The following KDM4B variants were observed in gnomAD, a reference collection of about 807,000 sequenced individuals.
KDM4B encodes the protein lysine demethylase 4B.
In KDM4B, 32 loss-of-function variants were observed where a neutral mutation model predicts 125.2. The observed-to-expected ratio is 0.26, with a 90% CI of 0.19 to 0.34. The LOEUF is 0.34. Among genes scored for constraint, KDM4B ranks in the 10% least tolerant of loss-of-function variants. The pLI is 1.00. For synonymous variants in KDM4B, 721 were observed against 677.9 expected (o/e 1.06, Z -0.99); for missense variants, 1,190 against 1,577.7 (o/e 0.75, Z 4.16).
intron 11 of KDM4B, among the ~76,000 whole-genome samples, chr19:5,122,020 G>A (rs972051162): frequency 2.6e-5 from 4 of 152,278 alleles, no homozygotes; most frequent in African/African-American, 4.8e-5. Flanking sequence ...GTGCCCTGGG[G>A]CCGCTGAAAT....
At chr19:5,092,848 A>G (rs1324493481) in intron 9 of KDM4B, among the ~76,000 whole-genome samples, 2 of 152,148 alleles carry the variant, frequency 1.3e-5, no homozygotes, top group African/African-American at 2.4e-5. Context: ...GCTGTTCCTC[A>G]GCCGTCGTGG....
At chr19:4,994,216 G>A (rs1303132658) in intron 1 of KDM4B, among the ~76,000 whole-genome samples, 2 of 151,030 alleles carry the variant, frequency 1.3e-5, no homozygotes, top group East Asian at 4.0e-4. Flanking sequence ...GAAGTGTTGG[G>A]ATTACAGGTG....
intron 10 of KDM4B, among the ~76,000 whole-genome samples, chr19:5,116,191 CA>C (rs1022766602): frequency 1.5e-5 from 2 of 130,836 alleles, no homozygotes; most frequent in Non-Finnish European, 3.1e-5. Context: ...ACTTGAGGCC[CA>C]GAGTTCGAGG....
rs558064633 is a variant in KDM4B at position 5,041,715 on chromosome 19, T to C, written c.432+464T>C. On this transcript the variant is annotated intron_variant, in intron 5 of 22. Coordinates refer to ENST00000159111, the MANE Select transcript of KDM4B (RefSeq NM_015015.3). ...AGCCTGGTCTGCTGGAGCGTCCTCT[T>C]GTCCACACAGCCTGGGCTCTCCATG... is the stretch of plus-strand genomic sequence containing the variant. 7.2e-5 allele frequency among the ~76,000 whole-genome samples: 11 copies of C among 152,338 alleles called. No homozygotes were observed. In the South Asian group the frequency reaches 2.3e-3, roughly 32 times the overall value.
intron 10 of KDM4B, chr19:5,112,620 A>T (rs557044350): frequency 6.6e-6 from 1 of 152,300 alleles, no homozygotes; most frequent in Admixed American, 6.5e-5. Context: ...CTTCTTTTTC[A>T]ACACGTCCAT....
At chr19:5,044,366 C>T (rs2036954853) in intron 5 of KDM4B, among the ~76,000 whole-genome samples, 1 of 109,806 alleles carries the variant, frequency 9.1e-6, no homozygotes, top group African/African-American at 3.7e-5. Flanking sequence ...AGTGGGGTGT[C>T]CACCTTATCC....
chr19:5,025,671 T>C (rs1411599817), intron 2 of KDM4B, among the ~76,000 whole-genome samples: 1 of 152,174 alleles, frequency 6.6e-6, no homozygotes, highest in Non-Finnish European at 1.5e-5. Flanking sequence ...CTCCCTGCCA[T>C]CCGGCCTCTG....
intron 7 of KDM4B, chr19:5,075,899 G>T: frequency 6.5e-6 from 1 of 153,958 alleles, no homozygotes; most frequent in South Asian, 1.9e-4. Flanking sequence ...GACACCCGCT[G>T]TGCTGTGTGG....
At chr19:5,018,889 G>A (rs1305894260) in intron 2 of KDM4B, among the ~76,000 whole-genome samples, 1 of 152,242 alleles carries the variant, frequency 6.6e-6, no homozygotes, top group Non-Finnish European at 1.5e-5. Context: ...GCCTGCGTCA[G>A]AGCCTTGCTC....
chr19:5,061,802 G>A (rs960234463), intron 6 of KDM4B, among the ~76,000 whole-genome samples: 5 of 151,170 alleles, frequency 3.3e-5, no homozygotes, highest in African/African-American at 1.2e-4. Context: ...CTGGGAATTT[G>A]AGGCTGCAGC....
chr19:5,106,644 C>T (rs568017339), intron 9 of KDM4B, among the ~76,000 whole-genome samples: 9 of 152,358 alleles, frequency 5.9e-5, no homozygotes, highest in Non-Finnish European at 1.2e-4. Flanking sequence ...TCTGCTGATT[C>T]GCTGGCAAGC....
intron 13 of KDM4B, among the ~76,000 whole-genome samples, chr19:5,132,711 G>A (rs1445728966): frequency 1.4e-5 from 2 of 145,236 alleles, no homozygotes; most frequent in Non-Finnish European, 3.0e-5. Context: ...TGGGGCCTCC[G>A]TGGACTCCCC....
chr19:5,002,972 T>G (rs751495839), intron 1 of KDM4B, among the ~76,000 whole-genome samples: 4 of 152,058 alleles, frequency 2.6e-5, no homozygotes, highest in Non-Finnish European at 5.9e-5. Context: ...CATTTCTGAG[T>G]CTTTACTTTC....
rs1316905866 is a variant in KDM4B at position 5,001,664 on chromosome 19, C to T, written c.-108-14593C>T. On this transcript the variant is annotated intron_variant, in intron 1 of 22. Coordinates refer to ENST00000159111, the MANE Select transcript of KDM4B (RefSeq NM_015015.3). Reference sequence around the variant, plus strand: ...TTTGTTAGCTTTTATGCTAAACACCCATGTAAGTCCTGTTCCGCCAGCTGT... The same window carrying T: ...TTTGTTAGCTTTTATGCTAAACACCTATGTAAGTCCTGTTCCGCCAGCTGT... Among the ~76,000 whole-genome samples, 1,163 of 152,308 alleles carry T rather than the reference C, an allele frequency of 7.6e-3. 12 individuals are homozygous for T. Among genetic ancestry groups the T allele is most frequent in the African/African-American group, 0.027 (1,118 of 41,558 alleles).
intron 1 of KDM4B, among the ~76,000 whole-genome samples, chr19:5,011,128 C>T (rs1245455170): frequency 6.6e-6 from 1 of 152,214 alleles, no homozygotes; most frequent in Non-Finnish European, 1.5e-5. Flanking sequence ...TTCCCTTCCT[C>T]TCAGGTCCTG....
Position 5,131,108 on chromosome 19 carries a change from G to A in KDM4B, c.1348G>A (p.Ala450Thr), listed in dbSNP as rs1026572358. The A allele has an allele frequency of 4.6e-6, 7 of 1,523,648 alleles. No homozygotes were observed. The highest frequency in any genetic ancestry group is 6.2e-6 in the Non-Finnish European group (7 of 1,135,080). The allele number at this position is 1,523,648 out of a possible 1,614,324, so 94.4% of individuals were successfully genotyped here. ...GAGGGGCAAGCTGCGGCCAACCAAG[G>A]CCAAGAGCGAGCGGAAGAAGAAGAG... is the stretch of plus-strand genomic sequence containing the variant. ...DGRGKLRPTK[A>T]KSERKKKSFG... The change falls in exon 12 of 23, where the codon GCC (alanine) becomes ACC (threonine). Residue 450 changes from alanine to threonine, a missense_variant. Physicochemically the swap from Ala to Thr is moderately conservative, Grantham distance 58 (BLOSUM62 0). Around this residue, in one of 7 missense-constraint regions of KDM4B, gnomAD observed 428 missense variants for 405.1 expected, o/e 1.06. Coordinates refer to ENST00000159111, the MANE Select transcript of KDM4B (RefSeq NM_015015.3).
At chr19:5,046,635 G>A (rs2037035458) in intron 5 of KDM4B, among the ~76,000 whole-genome samples, 2 of 152,222 alleles carry the variant, frequency 1.3e-5, no homozygotes, top group African/African-American at 2.4e-5. Flanking sequence ...GACAGGACGG[G>A]GTTTGTTTGC....
At chr19:5,030,360 C>G (rs2145605899) in intron 2 of KDM4B, among the ~76,000 whole-genome samples, 1 of 152,348 alleles carries the variant, frequency 6.6e-6, no homozygotes, top group South Asian at 2.1e-4. Context: ...CCCAGCTGGT[C>G]TGGGGGACAT....
intron 1 of KDM4B, among the ~76,000 whole-genome samples, chr19:4,977,456 C>T (rs1306457524): frequency 2.0e-5 from 3 of 152,282 alleles, no homozygotes; most frequent in Admixed American, 6.5e-5. Flanking sequence ...GCTGAGGGCA[C>T]GGTGGCAGGA....
Sources: allele counts gnomAD v4.1 joint callset (sites outside exome capture counted in the v4.1 genomes callset), GRCh38; gene constraint gnomAD v4.1.1; regional missense constraint gnomAD v4.1.1; transcripts MANE v1.5; gene names NCBI Gene and HGNC (gene_info 2026-07-23, HGNC 2026-07-21).